Variants in OSBPL3 observed in about 807,000 individuals in gnomAD.
The protein encoded by OSBPL3 is oxysterol binding protein like 3, also known as oxysterol-binding protein-related protein 3.
A neutral mutation model predicts 120.1 loss-of-function variants in OSBPL3; 65 were observed. The observed-to-expected ratio is 0.54, with a 90% CI of 0.44 to 0.67. OSBPL3 has a LOEUF of 0.67. Ranked by LOEUF, OSBPL3 falls within the 30% of genes least tolerant of loss-of-function variation. The probability of loss-of-function intolerance (pLI) is 0.00; values close to 1 mark genes in which losing one functional copy is unlikely to be tolerated. For missense variants in OSBPL3, 1,004 were observed against 1,082.1 expected (o/e 0.93, Z 1.01); for synonymous variants, 416 against 402.6 (o/e 1.03, Z -0.40).
At chr7:24,951,785 T>C (rs1814476012) in intron 1 of OSBPL3, among the ~76,000 whole-genome samples, 1 of 152,136 alleles carries the variant, frequency 6.6e-6, no homozygotes. Flanking sequence ...AACTATTAAT[T>C]TCAGTCTAAA....
rs1322937064 is a variant in OSBPL3 at position 24,862,088 on chromosome 7, G to A, written c.871-319C>T. Among the ~76,000 whole-genome samples, 3 of 151,992 alleles carry A rather than the reference G, an allele frequency of 2.0e-5. No homozygotes were observed. Among genetic ancestry groups the A allele is most frequent in the Non-Finnish European group, 2.9e-5 (2 of 67,984 alleles). ...TTTTTAGTAGAGACGGGGTTTCACC[G>A]TGTTAGCCAGGATGGTCTCGATCTC... On this transcript the variant is annotated intron_variant, in intron 9 of 22. Transcript: ENST00000313367. The surrounding 1 kb of genome is among the most constrained non-coding windows in gnomAD (Gnocchi z 4.4).
In OSBPL3 at chr7:24,867,788, C is replaced by T. The variant is rs557868173; in HGVS notation, c.382-1551G>A. Among the ~76,000 whole-genome samples the T allele has an allele frequency of 3.4e-4, 51 of 152,216 alleles. No individual in the cohort carries two copies. Among genetic ancestry groups the T allele is most frequent in the Non-Finnish European group, 6.0e-4 (41 of 68,018 alleles). On this transcript the variant is annotated intron_variant, in intron 5 of 22. Transcript: ENST00000313367. The surrounding 1 kb of genome is among the most constrained non-coding windows in gnomAD (Gnocchi z 4.5). The stretch of plus-strand genomic sequence containing the variant: ...GAAAGTTATTTAAAAAAACATTTCT[C>T]CCACTCTCAGAAATAAAGCACTATA...
In OSBPL3 at chr7:24,918,670, A is replaced by G. The variant is rs747954856; in HGVS notation, c.-149-26049T>C. ...GTTCACTAATCACTTACCATTGGTC[A>G]GGCACAGTTTTAGACACTGGAGATA... On this transcript the variant is annotated intron_variant, in intron 1 of 22. Coordinates refer to ENST00000313367, the MANE Select transcript of OSBPL3 (RefSeq NM_015550.4). This position sits in a 1 kb window ranked among gnomAD's most constrained non-coding sequence, Gnocchi z 4.3. Among the ~76,000 whole-genome samples, 26 of 152,236 alleles carry G rather than the reference A, an allele frequency of 1.7e-4. No homozygotes were observed. The highest frequency in any genetic ancestry group is 3.4e-4 in the Non-Finnish European group (23 of 68,044).
chr7:24,840,413 A>G (rs1797598373), intron 14 of OSBPL3, among the ~76,000 whole-genome samples: 1 of 152,236 alleles, frequency 6.6e-6, no homozygotes, highest in East Asian at 1.9e-4. Flanking sequence ...CGAATTGTAA[A>G]TATGTTTTCT....
In OSBPL3 at chr7:24,891,608, T is replaced by C. The variant is rs1805367401; in HGVS notation, c.96+769A>G. 6.6e-6 allele frequency among the ~76,000 whole-genome samples: 1 copy of C among 152,198 alleles called. No individual in the cohort carries two copies. Among genetic ancestry groups the C allele is most frequent in the Non-Finnish European group, 1.5e-5 (1 of 68,034 alleles). ...TTTCTGACAGCTCATTCTCTCTCCA[T>C]CTAACTGCTGGGGGAAGAATTATAA... On this transcript the variant is annotated intron_variant, in intron 2 of 22. Transcript: ENST00000313367. This position sits in a 1 kb window ranked among gnomAD's most constrained non-coding sequence, Gnocchi z 4.1.
In OSBPL3 at chr7:24,817,773, G is replaced by A. The variant is rs1794648915; in HGVS notation, c.1949-1085C>T. Among the ~76,000 whole-genome samples the A allele has an allele frequency of 6.6e-6, 1 of 152,190 alleles. No homozygotes were observed. The highest frequency in any genetic ancestry group is 6.5e-5 in the Admixed American group (1 of 15,280). On this transcript the variant is annotated intron_variant, in intron 17 of 22. Coordinates refer to ENST00000313367, the MANE Select transcript of OSBPL3 (RefSeq NM_015550.4). This position sits in a 1 kb window ranked among gnomAD's most constrained non-coding sequence, Gnocchi z 4.0. The stretch of plus-strand genomic sequence containing the variant: ...ACAACAGACGCGGGGAAGTGAGTGA[G>A]CCCAGAAATACTAAAGAAGAAGAAA...
intron 20 of OSBPL3, among the ~76,000 whole-genome samples, chr7:24,809,274 G>A (rs1311543035): frequency 6.6e-6 from 1 of 152,142 alleles, no homozygotes. Flanking sequence ...AAAGTATGGT[G>A]GGGACATGCT....
At position 24,891,996 on chromosome 7, in the gene OSBPL3, G is replaced by A. The variant is rs1805421551; in HGVS notation, c.96+381C>T. ...TTGTTTTGCTTAGCAGGATATAAAG[G>A]AAAGTGTGGGCTCTGAAGCCAAACA... is the stretch of plus-strand genomic sequence containing the variant. On this transcript the variant is annotated intron_variant, in intron 2 of 22. Transcript: ENST00000313367. This position sits in a 1 kb window ranked among gnomAD's most constrained non-coding sequence, Gnocchi z 4.1. Among the ~76,000 whole-genome samples, 1 of 152,148 alleles carries A rather than the reference G, an allele frequency of 6.6e-6. No homozygotes were observed. Among genetic ancestry groups the A allele is most frequent in the Non-Finnish European group, 1.5e-5 (1 of 68,022 alleles).
chr7:24,884,127 G>A (rs867035214), intron 2 of OSBPL3, among the ~76,000 whole-genome samples: 7 of 152,056 alleles, frequency 4.6e-5, no homozygotes, highest in Admixed American at 1.3e-4. Flanking sequence ...GGGATCCTAA[G>A]GCTACTTCAA....
rs1796602000 is a variant in OSBPL3, at chr7:24,833,218, T to C, written c.1746+1268A>G. Among the ~76,000 whole-genome samples the C allele has an allele frequency of 6.6e-6, 1 of 152,174 alleles. No individual in the cohort carries two copies. The highest frequency in any genetic ancestry group is 2.4e-5 in the African/African-American group (1 of 41,440). Reference sequence around the variant, plus strand: ...TATCAGTAACAAGAAAGAAAGTCTCTTGGGCCAGGTACAGTGACTCATGCC... The same window carrying C: ...TATCAGTAACAAGAAAGAAAGTCTCCTGGGCCAGGTACAGTGACTCATGCC... On this transcript the variant is annotated intron_variant, in intron 15 of 22. Transcript: ENST00000313367. This position sits in a 1 kb window ranked among gnomAD's most constrained non-coding sequence, Gnocchi z 4.4.
rs1447034578 is a variant in OSBPL3, at chr7:24,964,467, A to C, written c.-150+15419T>G. ...CCCATAACCCCAGTCCAATACAAGA[A>C]AATCATCAGACAAATCCCAGTGGAG... is the stretch of plus-strand genomic sequence containing the variant. On this transcript the variant is annotated intron_variant, in intron 1 of 22. Coordinates refer to ENST00000313367, the MANE Select transcript of OSBPL3 (RefSeq NM_015550.4). This position sits in a 1 kb window ranked among gnomAD's most constrained non-coding sequence, Gnocchi z 4.2. 6.6e-6 allele frequency among the ~76,000 whole-genome samples: 1 copy of C among 152,204 alleles called. No individual in the cohort carries two copies. Among genetic ancestry groups the C allele is most frequent in the Non-Finnish European group, 1.5e-5 (1 of 68,030 alleles).
In OSBPL3 at chr7:24,838,549, T is replaced by C. The variant is rs1017951457; in HGVS notation, c.1495+2141A>G. Among the ~76,000 whole-genome samples, 6 of 152,290 alleles carry C rather than the reference T, an allele frequency of 3.9e-5. No homozygotes were observed. The South Asian group carries it at 1.2e-3, about 32-fold the overall frequency. On this transcript the variant is annotated intron_variant, in intron 14 of 22. Coordinates refer to ENST00000313367, the MANE Select transcript of OSBPL3 (RefSeq NM_015550.4). ...GCATTCTCGCAACATGAATGTAAAC[T>C]ACGACAGAACCAGCTCTAACCTCTA...
Position 24,852,370 on chromosome 7 carries a change from T to A in OSBPL3, c.1158+134A>T, listed in dbSNP as rs1462399877. The A allele has an allele frequency of 1.5e-6, 1 of 689,542 alleles. No individual in the cohort carries two copies. Among genetic ancestry groups the A allele is most frequent in the African/African-American group, 1.8e-5 (1 of 54,260 alleles). 42.7% of individuals were successfully genotyped at this position (689,542 alleles called of 1,614,324 possible). A position where few individuals can be genotyped will look rare whatever the true frequency, so the allele number is the denominator to read the frequency against. On this transcript the variant is annotated intron_variant, in intron 11 of 22. Transcript: ENST00000313367. The surrounding 1 kb of genome is among the most constrained non-coding windows in gnomAD (Gnocchi z 4.1). Reference sequence around the variant, plus strand: ...TGGTGTTTCAAATAAGCAGATTTGATGAAAGGTTAGAATATAATTTGGATA... The same window carrying A: ...TGGTGTTTCAAATAAGCAGATTTGAAGAAAGGTTAGAATATAATTTGGATA...
At chr7:24,825,384 G>T (rs923538964) in intron 16 of OSBPL3, among the ~76,000 whole-genome samples, 2 of 152,288 alleles carry the variant, frequency 1.3e-5, no homozygotes, top group East Asian at 3.9e-4. Flanking sequence ...AAGAATTCTG[G>T]CCTGATTTTG....
At chr7:24,925,539 T>A (rs1296440408) in intron 1 of OSBPL3, among the ~76,000 whole-genome samples, 5 of 152,228 alleles carry the variant, frequency 3.3e-5, no homozygotes, top group African/African-American at 1.2e-4. Flanking sequence ...CGCACTAAAA[T>A]GTCTCAAAGG....
chr7:24,820,295 A>G lies in OSBPL3; in HGVS notation c.1885-57T>C. 7.6e-7 allele frequency: 1 copy of G among 1,317,862 alleles called. No homozygotes were observed. The highest frequency in any genetic ancestry group is 1.1e-6 in the Non-Finnish European group (1 of 920,530). The allele number at this position is 1,317,862 out of a possible 1,614,324, so 81.6% of individuals were successfully genotyped here. On this transcript the variant is annotated intron_variant, in intron 16 of 22. Transcript: ENST00000313367. This position sits in a 1 kb window ranked among gnomAD's most constrained non-coding sequence, Gnocchi z 4.6. ...ATGAATGAACTTTTGTGTCTCATGA[A>G]ATCCATTCTTTCTCCCCTGCACTGA...
intron 19 of OSBPL3, among the ~76,000 whole-genome samples, chr7:24,810,713 A>G (rs1414108054): frequency 6.6e-6 from 1 of 152,168 alleles, no homozygotes; most frequent in Non-Finnish European, 1.5e-5. Context: ...GCAAACCCAT[A>G]TCAACCATTG....
At chr7:24,977,320 T>C (rs1178557335) in intron 1 of OSBPL3, among the ~76,000 whole-genome samples, 1 of 152,200 alleles carries the variant, frequency 6.6e-6, no homozygotes, top group Non-Finnish European at 1.5e-5. Context: ...ACAGTACATC[T>C]AGACACTTGA....
intron 1 of OSBPL3, among the ~76,000 whole-genome samples, chr7:24,962,990 T>A (rs77385435): frequency 2.0e-5 from 3 of 152,204 alleles, no homozygotes; most frequent in African/African-American, 7.2e-5. Context: ...TTCTGAGACA[T>A]GAATATGAAA....
Sources: allele counts gnomAD v4.1 joint callset (sites outside exome capture counted in the v4.1 genomes callset), GRCh38; gene constraint gnomAD v4.1.1; non-coding constraint Gnocchi (gnomAD v3.1); transcripts MANE v1.5; gene names NCBI Gene and HGNC (gene_info 2026-07-23, HGNC 2026-07-21).